The following GABRR2 variants were observed in gnomAD, a reference collection of about 807,000 sequenced individuals.
The protein encoded by GABRR2 is gamma-aminobutyric acid type A receptor subunit rho2.
In GABRR2, 36 loss-of-function variants were observed where a neutral mutation model predicts 47.0. The ratio of observed to expected loss-of-function variants is 0.77; its 90% CI spans 0.59 to 1.01. GABRR2 has a LOEUF of 1.01. GABRR2 is among the 50% of genes least tolerant of loss of function. The pLI is 0.00. For synonymous variants in GABRR2, 204 were observed against 227.5 expected (o/e 0.90, Z 0.93); for missense variants, 587 against 594.6 (o/e 0.99, Z 0.13).
At chr6:89,258,226 G>C (rs983927917) in intron 8 of GABRR2, among the ~76,000 whole-genome samples, 1 of 152,214 alleles carries the variant, frequency 6.6e-6, no homozygotes, top group African/African-American at 2.4e-5. Flanking sequence ...ATTCCCAGGT[G>C]ATTCTACTGT....
At chr6:89,269,709 C>T (rs1486518764) in intron 3 of GABRR2, among the ~76,000 whole-genome samples, 1 of 152,202 alleles carries the variant, frequency 6.6e-6, no homozygotes, top group East Asian at 1.9e-4. Context: ...GTGTCTTGCC[C>T]ACCATTGCAT....
chr6:89,268,209 G>T (rs1483052194), intron 4 of GABRR2, 113 bp from the exon 5 acceptor site: 2 of 759,596 alleles, frequency 2.6e-6, no homozygotes, highest in African/African-American at 3.5e-5. Context: ...CACATCTGCT[G>T]CAGAAGTTTG....
chr6:89,274,638 G>C (rs1774121758), intron 2 of GABRR2, among the ~76,000 whole-genome samples: 1 of 152,054 alleles, frequency 6.6e-6, no homozygotes, highest in Non-Finnish European at 1.5e-5. Context: ...AAGCCAAGGT[G>C]GGTGGATCAT....
chr6:89,263,271 T>C (rs1392426340), intron 8 of GABRR2, among the ~76,000 whole-genome samples: 1 of 152,264 alleles, frequency 6.6e-6, no homozygotes, highest in Non-Finnish European at 1.5e-5. Context: ...TAACATTTTC[T>C]GTCTAGCTTA....
intron 2 of GABRR2, among the ~76,000 whole-genome samples, chr6:89,276,084 TAA>T (rs1774154017): frequency 6.8e-6 from 1 of 147,792 alleles, no homozygotes; most frequent in Non-Finnish European, 1.5e-5. Context: ...ATATAAATTA[TAA>T]ATCATTATTT....
rs553923327 is a variant in GABRR2 at position 89,273,264 on chromosome 6, G to T, written c.221-1542C>A. On this transcript the variant is annotated intron_variant, in intron 2 of 8. Transcript: ENST00000402938. Reference sequence around the variant, plus strand: ...TTCTCTTCTTTTGAGACAGAGTCTCGCTCTGTTGCCCAGGCTGGAGTACAG... The same window carrying T: ...TTCTCTTCTTTTGAGACAGAGTCTCTCTCTGTTGCCCAGGCTGGAGTACAG... 4.6e-4 allele frequency among the ~76,000 whole-genome samples: 70 copies of T among 152,156 alleles called. 2 individuals are homozygous for T. The South Asian group carries it at 0.014, about 31-fold the overall frequency.
intron 1 of GABRR2, 135 bp from the exon 2 acceptor site, chr6:89,300,000 G>C (rs545523584): frequency 1.6e-6 from 1 of 632,994 alleles, no homozygotes; most frequent in African/African-American, 1.8e-5. Flanking sequence ...CAGGGGAGAA[G>C]GAGGGCTGAA....
chr6:89,290,887 C>A (rs1161978815), intron 2 of GABRR2, among the ~76,000 whole-genome samples: 1 of 152,154 alleles, frequency 6.6e-6, no homozygotes, highest in Non-Finnish European at 1.5e-5. Context: ...ACTGCTTCCT[C>A]CTCTCACACT....
At position 89,269,171 on chromosome 6, in the gene GABRR2, C is replaced by T. The variant is rs781404279; in HGVS notation, c.352G>A (p.Ala118Thr). Residue 118 changes from alanine to threonine, a missense_variant, in exon 4 of 9, where the codon GCC becomes ACC. Ala to Thr is a moderately conservative substitution (Grantham distance 58). Transcript: ENST00000402938. The stretch of plus-strand genomic sequence containing the variant: ...TCGAAGGTCATGCTCTTGTTGCTGG[C>T]GCTGGAGAAAGCTAGCCTCTCATCC... ...WKDERLAFSSASNKSMTFDGR... is the reference protein window; with the variant it reads ...WKDERLAFSSTSNKSMTFDGR... The T allele has an allele frequency of 2.2e-5, 35 of 1,614,052 alleles. No individual in the cohort carries two copies. Among genetic ancestry groups the T allele is most frequent in the South Asian group, 8.8e-5 (8 of 91,088 alleles).
At chr6:89,302,205 C>G in intron 1 of GABRR2, 1 of 557,992 alleles carries the variant, frequency 1.8e-6, no homozygotes, top group South Asian at 1.5e-5. Context: ...GGCGGGGGCA[C>G]AAGCTCGGGT....
At chr6:89,275,026 C>G (rs1243016469) in intron 2 of GABRR2, among the ~76,000 whole-genome samples, 3 of 152,122 alleles carry the variant, frequency 2.0e-5, no homozygotes, top group Non-Finnish European at 4.4e-5. Context: ...AAGGGCTCTT[C>G]TTGGTTCCTA....
At chr6:89,265,115 A>G (rs1373685415) in intron 7 of GABRR2, among the ~76,000 whole-genome samples, 1 of 152,104 alleles carries the variant, frequency 6.6e-6, no homozygotes, top group East Asian at 1.9e-4. Flanking sequence ...AATGTTGTCT[A>G]AATTTACAAT....
At chr6:89,287,371 G>T (rs533358019) in intron 2 of GABRR2, among the ~76,000 whole-genome samples, 17 of 152,328 alleles carry the variant, frequency 1.1e-4, no homozygotes, top group Admixed American at 4.6e-4. Flanking sequence ...CAGTCCAGCT[G>T]GGGAAGCAAC....
chr6:89,268,481 T>C (rs1655546870), intron 4 of GABRR2, among the ~76,000 whole-genome samples: 1 of 152,190 alleles, frequency 6.6e-6, no homozygotes, highest in Non-Finnish European at 1.5e-5. Flanking sequence ...CAGCAATGCA[T>C]TCTGGTGAAC....
intron 2 of GABRR2, among the ~76,000 whole-genome samples, chr6:89,275,897 G>A (rs183551126): frequency 3.9e-5 from 6 of 152,172 alleles, no homozygotes; most frequent in East Asian, 3.9e-4. Flanking sequence ...GTCAGTCACC[G>A]AACACGGATT....
At chr6:89,286,773 G>A (rs1562374676) in intron 2 of GABRR2, among the ~76,000 whole-genome samples, 1 of 152,096 alleles carries the variant, frequency 6.6e-6, no homozygotes, top group Non-Finnish European at 1.5e-5. Context: ...GGGCAGGGAG[G>A]GAAGTTTAAT....
In GABRR2 at chr6:89,255,728, T is replaced by C. The variant is rs1773587219; in HGVS notation, c.*1942A>G. On this transcript the variant is annotated 3_prime_UTR_variant, in exon 9 of 9. Transcript: ENST00000402938. The stretch of plus-strand genomic sequence containing the variant: ...ACCCTGTTCTCTGCAATGGCAAACC[T>C]TCCCATTCTCCCCATGCGTCCGCTC... 6.6e-6 allele frequency among the ~76,000 whole-genome samples: 1 copy of C among 152,094 alleles called. No individual in the cohort carries two copies. Among genetic ancestry groups the C allele is most frequent in the Non-Finnish European group, 1.5e-5 (1 of 68,018 alleles).
In GABRR2 at chr6:89,303,022, G is replaced by A. The variant is rs1057477510; in HGVS notation, c.114-3157C>T. The A allele has an allele frequency of 1.1e-5, 14 of 1,252,404 alleles. 1 individual carries two copies. The South Asian group carries it at 1.2e-4, about 10-fold the overall frequency. The allele number at this position is 1,252,404 out of a possible 1,614,324, so 77.6% of individuals were successfully genotyped here. A position where few individuals can be genotyped will look rare whatever the true frequency, so the allele number is the denominator to read the frequency against. ...GAGCAACATGAATGACCTGGTGTCC[G>A]AGTACCAGCAGTACCAGGACTCCAT... On this transcript the variant is annotated intron_variant, in intron 1 of 8. Coordinates refer to ENST00000402938, the MANE Select transcript of GABRR2 (RefSeq NM_002043.5).
rs76385424 is a variant in GABRR2 at position 89,285,629 on chromosome 6, C to G, written c.221-13907G>C. 2.4e-3 allele frequency among the ~76,000 whole-genome samples: 371 copies of G among 152,230 alleles called. 3 individuals are homozygous for G. The highest frequency in any genetic ancestry group is 8.6e-3 in the African/African-American group (358 of 41,518). On this transcript the variant is annotated intron_variant, in intron 2 of 8. Coordinates refer to ENST00000402938, the MANE Select transcript of GABRR2 (RefSeq NM_002043.5). ...ACACTGTAGGGATGTGTTCAGGGGT[C>G]TGGGTTTAAGGTAGCCTGGTGGGTG... is the stretch of plus-strand genomic sequence containing the variant.
Sources: gnomAD v4.1 joint callset for allele counts (sites outside exome capture counted in the v4.1 genomes callset) on GRCh38, gnomAD v4.1.1 for gene constraint, MANE v1.5 for transcripts, NCBI Gene and HGNC (gene_info 2026-07-23, HGNC 2026-07-21) for gene names.